SMIM14: variants seen among roughly 807,000 people sequenced by gnomAD.
The protein encoded by SMIM14 is small integral membrane protein 14.
SMIM14 carries 5 observed loss-of-function variants against 12.6 expected under a neutral mutation model. The observed-to-expected ratio is 0.40, with a 90% CI of 0.21 to 0.83. SMIM14 has a LOEUF of 0.83. SMIM14 is among the 40% of genes least tolerant of loss of function. The pLI is 0.37. For missense variants in SMIM14, 86 were observed against 119.1 expected, an observed-to-expected ratio of 0.72 and a Z score of 1.29; for synonymous variants, 30 against 40.1, an observed-to-expected ratio of 0.75 and a Z score of 0.95.
At chr4:39,608,731 CTG>C in intron 1 of SMIM14, among the ~76,000 whole-genome samples, 2 of 152,292 alleles carry the variant, frequency 1.3e-5, no homozygotes, top group South Asian at 4.2e-4. Context: ...TTGTACAACA[CTG>C]TGAATGTAAT....
At chr4:39,566,658 C>T (rs1002777485) in intron 3 of SMIM14, among the ~76,000 whole-genome samples, 8 of 151,968 alleles carry the variant, frequency 5.3e-5, no homozygotes, top group Non-Finnish European at 1.0e-4. Flanking sequence ...CATACAGAAA[C>T]CCTGTCTCTA....
At chr4:39,612,291 G>A (rs893277928) in intron 1 of SMIM14, among the ~76,000 whole-genome samples, 2 of 151,932 alleles carry the variant, frequency 1.3e-5, no homozygotes, top group Non-Finnish European at 1.5e-5. Context: ...AGTTGCACTC[G>A]TTACCCCAGT....
intron 2 of SMIM14, among the ~76,000 whole-genome samples, chr4:39,590,211 C>A (rs1416907251): frequency 1.3e-5 from 2 of 151,570 alleles, no homozygotes; most frequent in Non-Finnish European, 2.9e-5. Context: ...GTTGGGAGTT[C>A]GAGACCAGCC....
chr4:39,556,412 A>C lies in SMIM14; in HGVS notation c.267+16T>G. The C allele has an allele frequency of 1.2e-6, 2 of 1,603,436 alleles. No individual in the cohort carries two copies. The highest frequency in any genetic ancestry group is 1.7e-6 in the Non-Finnish European group (2 of 1,176,772). On this transcript the variant is annotated intron_variant, in intron 4 of 4. Transcript: ENST00000295958. ...ATTCCCTTACCCAAAAAGCATTTAAAATCTGCAACACTTACATTATGAGGA... is the reference window on the plus strand; with the variant it reads ...ATTCCCTTACCCAAAAAGCATTTAACATCTGCAACACTTACATTATGAGGA...
At chr4:39,566,875 G>A (rs367656614) in intron 3 of SMIM14, among the ~76,000 whole-genome samples, 1 of 152,262 alleles carries the variant, frequency 6.6e-6, no homozygotes, top group Admixed American at 6.5e-5. Flanking sequence ...GCTGAGGCAG[G>A]AGAATCGCTT....
chr4:39,624,679 C>A (rs1715621782), intron 1 of SMIM14, among the ~76,000 whole-genome samples: 1 of 150,342 alleles, frequency 6.7e-6, no homozygotes, highest in Non-Finnish European at 1.5e-5. Flanking sequence ...CAAAAATTAG[C>A]TGGGCGTGGT....
chr4:39,609,871 A>G (rs1202375716), intron 1 of SMIM14, among the ~76,000 whole-genome samples: 1 of 152,194 alleles, frequency 6.6e-6, no homozygotes, highest in East Asian at 1.9e-4. Context: ...CTCCTTGGAG[A>G]ATGATATTTT....
intron 2 of SMIM14, among the ~76,000 whole-genome samples, chr4:39,587,222 C>G (rs1469603453): frequency 1.3e-5 from 2 of 151,868 alleles, no homozygotes; most frequent in Non-Finnish European, 2.9e-5. Flanking sequence ...AGGAGCCAGG[C>G]ACGGTGGCTC....
At chr4:39,622,743 G>A (rs759889506) in intron 1 of SMIM14, among the ~76,000 whole-genome samples, 4 of 152,186 alleles carry the variant, frequency 2.6e-5, no homozygotes, top group Non-Finnish European at 4.4e-5. Flanking sequence ...ACATACAAAT[G>A]AAAAGGCTGA....
At chr4:39,568,574 T>G (rs1255040233) in intron 3 of SMIM14, among the ~76,000 whole-genome samples, 2 of 152,162 alleles carry the variant, frequency 1.3e-5, no homozygotes, top group Non-Finnish European at 2.9e-5. Context: ...TAAAACGTAT[T>G]TCTTCAAGGC....
At chr4:39,627,989 T>C (rs1578370058) in intron 1 of SMIM14, among the ~76,000 whole-genome samples, 1 of 152,190 alleles carries the variant, frequency 6.6e-6, no homozygotes, top group Admixed American at 6.5e-5. Flanking sequence ...CAGGACCTCC[T>C]GTGTCATGGA....
intron 3 of SMIM14, among the ~76,000 whole-genome samples, chr4:39,571,738 G>GA (rs1170793377): frequency 6.6e-6 from 1 of 151,470 alleles, no homozygotes; most frequent in South Asian, 2.1e-4. Context: ...TATTTGCCAA[G>GA]AAAAAAAGAC....
At chr4:39,605,033 A>C (rs934660711) in intron 2 of SMIM14, 38 bp downstream of exon 2, 4 of 1,236,572 alleles carry the variant, frequency 3.2e-6, no homozygotes, top group Middle Eastern at 1.9e-4. Flanking sequence ...CAAGGGATAC[A>C]GATCAGTTCA....
chr4:39,576,654 GTA>G (rs1560289584), intron 2 of SMIM14, among the ~76,000 whole-genome samples: 41 of 22,004 alleles, frequency 1.9e-3, no homozygotes, highest in African/African-American at 5.1e-3. Context: ...ATGTGTGTGT[GTA>G]TGTGTATATA....
At chr4:39,630,781 G>T (rs1440565387) in intron 1 of SMIM14, among the ~76,000 whole-genome samples, 1 of 150,968 alleles carries the variant, frequency 6.6e-6, no homozygotes, top group Non-Finnish European at 1.5e-5. Context: ...AGAATTGCTT[G>T]AACCCAGGAG....
chr4:39,556,875 C>A (rs937562713), intron 3 of SMIM14, among the ~76,000 whole-genome samples: 1 of 152,202 alleles, frequency 6.6e-6, no homozygotes, highest in Non-Finnish European at 1.5e-5. Context: ...ACAGCCTTAA[C>A]CTTCTATGTT....
At chr4:39,610,906 T>C (rs1010247590) in intron 1 of SMIM14, among the ~76,000 whole-genome samples, 12 of 151,982 alleles carry the variant, frequency 7.9e-5, no homozygotes, top group Admixed American at 5.9e-4. Context: ...GGGATACATA[T>C]AGAATATAAG....
At chr4:39,557,907 CCTT>C (rs1213041460) in intron 3 of SMIM14, among the ~76,000 whole-genome samples, 3 of 152,112 alleles carry the variant, frequency 2.0e-5, no homozygotes, top group African/African-American at 7.2e-5. Flanking sequence ...ATTAATTTGA[CCTT>C]CTTTTTCACA....
At chr4:39,597,583 A>G (rs1393881666) in intron 2 of SMIM14, among the ~76,000 whole-genome samples, 5 of 151,764 alleles carry the variant, frequency 3.3e-5, no homozygotes, top group Admixed American at 2.6e-4. Context: ...AGCTGGGATT[A>G]CAGGCACCTG....
Sources: allele counts gnomAD v4.1 joint callset (sites outside exome capture counted in the v4.1 genomes callset), GRCh38; gene constraint gnomAD v4.1.1; transcripts MANE v1.5; gene names NCBI Gene and HGNC (gene_info 2026-07-23, HGNC 2026-07-21).